The following CNTNAP2 variants were observed in gnomAD, a reference collection of about 807,000 sequenced individuals.
CNTNAP2 encodes the protein contactin-associated protein-like 2.
Under a neutral mutation model 155.2 loss-of-function variants are expected in CNTNAP2, and 98 were observed. That is an observed-to-expected ratio of 0.63 (90% CI 0.54 to 0.75). The LOEUF is 0.75. Ranked by LOEUF, CNTNAP2 falls within the 30% of genes least tolerant of loss-of-function variation. CNTNAP2 has a pLI of 0.00. For missense variants in CNTNAP2, 1,727 were observed against 1,688.1 expected (o/e 1.02, Z -0.40); for synonymous variants, 651 against 631.2 (o/e 1.03, Z -0.47).
intron 8 of CNTNAP2, among the ~76,000 whole-genome samples, chr7:147,210,667 C>G (rs910762916): frequency 2.6e-5 from 4 of 151,818 alleles, no homozygotes; most frequent in African/African-American, 9.7e-5. Flanking sequence ...TCTCCTTTCT[C>G]TAAGTGTGAT....
chr7:146,182,176 G>A (rs1798558796), intron 1 of CNTNAP2, among the ~76,000 whole-genome samples: 1 of 152,066 alleles, frequency 6.6e-6, no homozygotes, highest in African/African-American at 2.4e-5. Context: ...AAACTGGAGA[G>A]GAAATATGAA....
rs775911117 is a variant in CNTNAP2 at position 147,260,682 on chromosome 7, A to C, written c.1349-39459A>C. 3.9e-5 allele frequency among the ~76,000 whole-genome samples: 6 copies of C among 152,204 alleles called. No individual in the cohort carries two copies. In the South Asian group the frequency reaches 1.2e-3, roughly 32 times the overall value. On this transcript the variant is annotated intron_variant, in intron 8 of 23. Coordinates refer to ENST00000361727, the MANE Select transcript of CNTNAP2 (RefSeq NM_014141.6). ...TCTGTGAGAAGACCTTGTAGTTCTCATATTGTACAATGTTCTTTGAAAGCA... is the reference window on the plus strand; with the variant it reads ...TCTGTGAGAAGACCTTGTAGTTCTCCTATTGTACAATGTTCTTTGAAAGCA...
intron 1 of CNTNAP2, among the ~76,000 whole-genome samples, chr7:146,350,336 AAAAC>A (rs1328460891): frequency 1.3e-5 from 2 of 152,260 alleles, no homozygotes; most frequent in African/African-American, 2.4e-5. Flanking sequence ...TTACAAGAAA[AAAAC>A]AAACAACCCC....
chr7:147,436,931 G>GT lies in CNTNAP2; in HGVS notation c.1670+41154dup, dbSNP rs1334269640. The stretch of plus-strand genomic sequence containing the variant: ...AACTGACAAGAAGCTTTAAAAAAAG[G>GT]TTTACATCTCAATCGGGCAAAGAAA... On this transcript the variant is annotated intron_variant, in intron 10 of 23. Coordinates refer to ENST00000361727, the MANE Select transcript of CNTNAP2 (RefSeq NM_014141.6). Among the ~76,000 whole-genome samples the GT allele has an allele frequency of 2.0e-5, 3 of 152,240 alleles. No individual in the cohort carries two copies. The South Asian group carries it at 6.2e-4, about 32-fold the overall frequency.
At chr7:146,128,090 C>T (rs907000901) in intron 1 of CNTNAP2, among the ~76,000 whole-genome samples, 3 of 152,172 alleles carry the variant, frequency 2.0e-5, no homozygotes, top group African/African-American at 7.2e-5. Flanking sequence ...ATATTCTTCA[C>T]AATGATCCCT....
rs117215530 is a variant in CNTNAP2 at position 147,914,222 on chromosome 7, G to A, written c.2255+10501G>A. On this transcript the variant is annotated intron_variant, in intron 14 of 23. Transcript: ENST00000361727. ...AGTTGACAAATAGCAGGTATAATAC[G>A]AGTCTGGTGTTTCTTTTTTAAAAAA... 3.6e-3 allele frequency among the ~76,000 whole-genome samples: 547 copies of A among 152,158 alleles called. 3 individuals carry two copies. The highest frequency in any genetic ancestry group is 2.3e-3 in the Non-Finnish European group (157 of 68,008).
intron 10 of CNTNAP2, among the ~76,000 whole-genome samples, chr7:147,482,716 G>A (rs571049976): frequency 2.3e-5 from 3 of 130,784 alleles, no homozygotes; most frequent in South Asian, 5.4e-4. Context: ...GCGAGATTCC[G>A]TCTCAATAAA....
intron 3 of CNTNAP2, among the ~76,000 whole-genome samples, chr7:146,849,203 G>T (rs964043377): frequency 6.6e-6 from 1 of 152,116 alleles, no homozygotes; most frequent in African/African-American, 2.4e-5. Context: ...AGTCGCCTAG[G>T]GCACATTTTT....
intron 1 of CNTNAP2, among the ~76,000 whole-genome samples, chr7:146,461,616 T>C (rs1021427108): frequency 2.0e-5 from 3 of 152,148 alleles, no homozygotes; most frequent in African/African-American, 7.2e-5. Flanking sequence ...TAGACAAGAA[T>C]AGGTGAATTG....
At chr7:147,368,252 G>T (rs1267657113) in intron 9 of CNTNAP2, among the ~76,000 whole-genome samples, 1 of 151,900 alleles carries the variant, frequency 6.6e-6, no homozygotes, top group African/African-American at 2.4e-5. Flanking sequence ...AGGGAAGTCT[G>T]TGACAGGTTC....
chr7:148,156,598 T>G (rs751781981), intron 17 of CNTNAP2, among the ~76,000 whole-genome samples: 2 of 152,168 alleles, frequency 1.3e-5, no homozygotes, highest in African/African-American at 4.8e-5. Context: ...TTTGTGCCAA[T>G]GTCTCTCAAA....
chr7:147,716,345 A>C (rs1482010967), intron 13 of CNTNAP2, among the ~76,000 whole-genome samples: 1 of 152,076 alleles, frequency 6.6e-6, no homozygotes, highest in Non-Finnish European at 1.5e-5. Context: ...TTCTGGAAAA[A>C]TGGGTTGCCA....
At chr7:148,380,277 A>G (rs1799023779) in intron 21 of CNTNAP2, among the ~76,000 whole-genome samples, 1 of 152,232 alleles carries the variant, frequency 6.6e-6, no homozygotes. Flanking sequence ...ATAGAGTAAC[A>G]TACTTTACTT....
At position 148,415,449 on chromosome 7, in the gene CNTNAP2, T is replaced by C. The variant is rs771374275; in HGVS notation, c.3829T>C (p.Cys1277Arg). The C allele has an allele frequency of 6.2e-7, 1 of 1,614,122 alleles. No homozygotes were observed. The highest frequency in any genetic ancestry group is 8.5e-7 in the Non-Finnish European group (1 of 1,180,030). Reference sequence around the variant, plus strand: ...TGCTGTGGTGATTTTCACCATCCTGTGCACCCTGGTCTTCCTGATCCGGTA... The same window carrying C: ...TGCTGTGGTGATTTTCACCATCCTGCGCACCCTGGTCTTCCTGATCCGGTA... ...VIAVVIFTILCTLVFLIRYMF... is the reference protein window; with the variant it reads ...VIAVVIFTILRTLVFLIRYMF... Residue 1277 changes from cysteine to arginine, a missense_variant, in exon 24 of 24, where the codon TGC (cysteine) becomes CGC (arginine). Physicochemically the swap from Cys to Arg is radical, Grantham distance 180. Coordinates refer to ENST00000361727, the MANE Select transcript of CNTNAP2 (RefSeq NM_014141.6).
intron 1 of CNTNAP2, among the ~76,000 whole-genome samples, chr7:146,727,718 C>G (rs1289620362): frequency 1.3e-5 from 2 of 152,174 alleles, no homozygotes; most frequent in Non-Finnish European, 2.9e-5. Context: ...ATAGCAAGCT[C>G]TACCCAGTAA....
chr7:146,962,539 T>G (rs936975595), intron 3 of CNTNAP2, among the ~76,000 whole-genome samples: 1 of 152,202 alleles, frequency 6.6e-6, no homozygotes, highest in Non-Finnish European at 1.5e-5. Flanking sequence ...GTTAACATAG[T>G]TTTTTTGTTT....
intron 14 of CNTNAP2, among the ~76,000 whole-genome samples, chr7:147,926,072 G>A (rs2538993): frequency 0.043 from 6,524 of 152,180 alleles, 235 homozygotes; most frequent in East Asian, 0.11. Context: ...ATTTAATTAC[G>A]CTCTACTTGG....
At chr7:148,168,902 A>T (rs1451156750) in intron 17 of CNTNAP2, among the ~76,000 whole-genome samples, 1 of 152,208 alleles carries the variant, frequency 6.6e-6, no homozygotes, top group East Asian at 1.9e-4. Context: ...TGGTTGAATA[A>T]TCATATTATT....
chr7:146,909,132 A>G (rs924408152), intron 3 of CNTNAP2, among the ~76,000 whole-genome samples: 2 of 152,166 alleles, frequency 1.3e-5, no homozygotes, highest in African/African-American at 4.8e-5. Flanking sequence ...ATAGATCAAT[A>G]ACAGGAGCTG....
Sources: allele counts gnomAD v4.1 joint callset (sites outside exome capture counted in the v4.1 genomes callset), GRCh38; gene constraint gnomAD v4.1.1; transcripts MANE v1.5; gene names NCBI Gene and HGNC (gene_info 2026-07-23, HGNC 2026-07-21).